MED13L: variants seen among roughly 807,000 people sequenced by gnomAD.
MED13L encodes the protein mediator complex subunit 13L.
In MED13L, 7 loss-of-function variants were observed where a neutral mutation model predicts 220.9. The ratio of observed to expected loss-of-function variants is 0.03; its 90% CI spans 0.02 to 0.06. The LOEUF (loss-of-function observed/expected upper bound fraction) is 0.06. Ranked by LOEUF, MED13L falls within the 10% of genes least tolerant of loss-of-function variation. The pLI, the probability that MED13L is intolerant of heterozygous loss-of-function variation, is 1.00. For missense variants in MED13L, 1,965 were observed against 2,760.5 expected, an observed-to-expected ratio of 0.71 and a Z score of 6.46; for synonymous variants, 1,011 against 1,015.2, an observed-to-expected ratio of 1.00 and a Z score of 0.08.
intron 30 of MED13L, 116 bp downstream of exon 30, chr12:115,963,291 C>G (rs1250209290): frequency 1.2e-6 from 1 of 833,172 alleles, no homozygotes; most frequent in Non-Finnish European, 2.0e-6. Flanking sequence ...TACTGTATCA[C>G]TGCACAAACG....
intron 17 of MED13L, among the ~76,000 whole-genome samples, chr12:115,987,997 T>G (rs950175076): frequency 2.0e-4 from 30 of 152,174 alleles, no homozygotes. Flanking sequence ...TATTTTTTTC[T>G]CAGGATGGAG....
intron 2 of MED13L, among the ~76,000 whole-genome samples, chr12:116,209,925 C>A (rs1882585596): frequency 6.6e-6 from 1 of 152,180 alleles, no homozygotes; most frequent in African/African-American, 2.4e-5. Flanking sequence ...CAAAATTGGG[C>A]TTCCTCTTGA....
chr12:116,104,848 A>C (rs1010266204), intron 3 of MED13L, among the ~76,000 whole-genome samples: 1 of 152,256 alleles, frequency 6.6e-6, no homozygotes, highest in African/African-American at 2.4e-5. Flanking sequence ...GCACTGTGTC[A>C]GACCTTTCAA....
Position 115,991,642 on chromosome 12 carries a change from G to A in MED13L, c.3312C>T (p.Pro1104=), listed in dbSNP as rs745891184. 1.5e-5 allele frequency: 25 copies of A among 1,614,064 alleles called. No homozygotes were observed. Among genetic ancestry groups the A allele is most frequent in the African/African-American group, 9.3e-5 (7 of 75,008 alleles). The change falls in exon 17 of 31, where the codon CCC becomes CCT. Residue 1104 remains proline, a synonymous_variant. Coordinates refer to ENST00000281928, the MANE Select transcript of MED13L (RefSeq NM_015335.5). This position sits in a 1 kb window ranked among gnomAD's most constrained non-coding sequence, Gnocchi z 7.7. ...SVEPATMQPI[P]EAHSLYVTLI... ...GGGTAACATAGAGGCTGTGGGCTTC[G>A]GGAATTGGCTGCATGGTGGCGGGCT... is the stretch of plus-strand genomic sequence containing the variant.
intron 4 of MED13L, among the ~76,000 whole-genome samples, chr12:116,070,991 A>G (rs1444771862): frequency 6.6e-6 from 1 of 152,216 alleles, no homozygotes; most frequent in African/African-American, 2.4e-5. Context: ...ATTCAAGTGT[A>G]CTTTAATACA....
intron 2 of MED13L, among the ~76,000 whole-genome samples, chr12:116,183,164 A>G (rs1880642855): frequency 1.3e-5 from 2 of 152,238 alleles, no homozygotes; most frequent in Admixed American, 1.3e-4. Context: ...CAGAACTGAC[A>G]GCAGTTTATA....
chr12:116,186,202 ACAT>A (rs1565918402), intron 2 of MED13L, among the ~76,000 whole-genome samples: 1 of 152,236 alleles, frequency 6.6e-6, no homozygotes, highest in Non-Finnish European at 1.5e-5. Context: ...ATTGCATAAA[ACAT>A]CATTTTATAT....
At chr12:116,188,176 G>A (rs1221908634) in intron 2 of MED13L, among the ~76,000 whole-genome samples, 2 of 151,320 alleles carry the variant, frequency 1.3e-5, no homozygotes, top group African/African-American at 4.9e-5. Context: ...TATTAATCCT[G>A]AAAAGAAATT....
intron 2 of MED13L, chr12:116,230,471 A>T (rs1420098045): frequency 1.0e-6 from 1 of 984,372 alleles, no homozygotes; most frequent in African/African-American, 1.7e-5. Context: ...AAATACTACA[A>T]ATCTACAATG....
chr12:116,078,513 T>C (rs1870994011), intron 4 of MED13L, among the ~76,000 whole-genome samples: 3 of 152,206 alleles, frequency 2.0e-5, no homozygotes. Context: ...ATGACTTAAC[T>C]TCTCTGAACA....
chr12:116,042,602 A>T (rs1881600145), intron 4 of MED13L, among the ~76,000 whole-genome samples: 1 of 152,230 alleles, frequency 6.6e-6, no homozygotes, highest in Non-Finnish European at 1.5e-5. Flanking sequence ...TGAATTCTTA[A>T]ATCAGCCCCC....
intron 4 of MED13L, among the ~76,000 whole-genome samples, chr12:116,031,730 GAAAAGAAAAGAAAAGAAAAGAAAAGA>G (rs1880807230): frequency 2.6e-4 from 17 of 65,436 alleles, no homozygotes; most frequent in East Asian, 1.0e-3. Flanking sequence ...GAAAAGAAAA[GAAAAGAAAAGAAAAGAAAAGAAAAGA>G]AAAGAAGGAA....
At chr12:115,984,464 T>G in intron 19 of MED13L, 92 bp from the exon 20 acceptor site, 2 of 1,383,222 alleles carry the variant, frequency 1.4e-6, no homozygotes, top group Non-Finnish European at 2.0e-6. Flanking sequence ...AACATACATA[T>G]GGAAGCATTT....
At chr12:116,171,497 T>A (rs1593126326) in intron 2 of MED13L, among the ~76,000 whole-genome samples, 1 of 152,206 alleles carries the variant, frequency 6.6e-6, no homozygotes, top group African/African-American at 2.4e-5. Flanking sequence ...CTTTTTTTCC[T>A]CTCTAGGCTA....
chr12:116,076,345 T>A (rs114316591), intron 4 of MED13L, among the ~76,000 whole-genome samples: 42 of 152,252 alleles, frequency 2.8e-4, no homozygotes, highest in African/African-American at 1.0e-3. Flanking sequence ...AACACTGGCC[T>A]GGACAACATA....
intron 2 of MED13L, among the ~76,000 whole-genome samples, chr12:116,186,109 T>C (rs1354120564): frequency 6.6e-6 from 1 of 152,230 alleles, no homozygotes; most frequent in East Asian, 1.9e-4. Flanking sequence ...CCTCATCATT[T>C]TGAAATACTA....
intron 4 of MED13L, among the ~76,000 whole-genome samples, chr12:116,030,859 C>T (rs968961513): frequency 6.6e-6 from 1 of 152,030 alleles, no homozygotes; most frequent in African/African-American, 2.4e-5. Context: ...ACTAAAAAAA[C>T]CCATCCACCC....
chr12:116,245,941 A>C (rs2138496643), intron 1 of MED13L, among the ~76,000 whole-genome samples: 1 of 152,188 alleles, frequency 6.6e-6, no homozygotes, highest in East Asian at 1.9e-4. Flanking sequence ...ACAATGGATT[A>C]AGAAAGACTC....
intron 2 of MED13L, among the ~76,000 whole-genome samples, chr12:116,210,100 A>G (rs184947865): frequency 1.3e-5 from 2 of 152,284 alleles, no homozygotes; most frequent in Admixed American, 6.5e-5. Context: ...ATATGACAAG[A>G]GATAAAACAT....
Sources: allele counts gnomAD v4.1 joint callset (sites outside exome capture counted in the v4.1 genomes callset), GRCh38; gene constraint gnomAD v4.1.1; non-coding constraint Gnocchi (gnomAD v3.1); transcripts MANE v1.5; gene names NCBI Gene and HGNC (gene_info 2026-07-23, HGNC 2026-07-21).